Variants in TNRC18 observed in about 807,000 individuals in gnomAD.
TNRC18 encodes the protein trinucleotide repeat-containing gene 18 protein.
TNRC18 carries 69 observed loss-of-function variants against 226.7 expected under a neutral mutation model. That is an observed-to-expected ratio of 0.30 (90% CI 0.25 to 0.37). TNRC18 has a LOEUF of 0.37. Ranked by LOEUF, TNRC18 falls within the 10% of genes least tolerant of loss-of-function variation. The pLI is 1.00. For missense variants in TNRC18, 4,754 were observed against 4,256.6 expected (o/e 1.12, Z -3.25); for synonymous variants, 2,449 against 1,927.6 (o/e 1.27, Z -7.09).
chr7:5,323,283 C>G (rs536190866), intron 21 of TNRC18, among the ~76,000 whole-genome samples: 1 of 152,178 alleles, frequency 6.6e-6, no homozygotes, highest in Non-Finnish European at 1.5e-5. Context: ...ATTGAGTCAT[C>G]AAAGCCCAGC....
intron 16 of TNRC18, among the ~76,000 whole-genome samples, chr7:5,352,920 G>A (rs551100214): frequency 6.6e-6 from 1 of 152,358 alleles, no homozygotes; most frequent in Admixed American, 6.5e-5. Flanking sequence ...TCCAGACGGG[G>A]GGAACGTGAA....
intron 8 of TNRC18, 96 bp downstream of exon 8, chr7:5,376,751 G>T (rs981343548): frequency 1.4e-6 from 2 of 1,464,306 alleles, no homozygotes; most frequent in African/African-American, 2.8e-5. Flanking sequence ...AGATCTGCCG[G>T]CCGCCACCCC....
Position 5,421,133 on chromosome 7 carries a change from C to A in TNRC18, c.114G>T (p.Leu38Phe). The change falls in exon 2 of 30, where the codon TTG becomes TTT. Residue 38 changes from leucine (L) to phenylalanine (F), a missense_variant. Coordinates refer to ENST00000430969, the MANE Select transcript of TNRC18 (RefSeq NM_001080495.3). The part of the protein sequence containing the change: ...HRVGAATAGR[L>F]PASGLPGPLP... ...GCGGGCCGGGCAAGCCCGAGGCGGGCAAGCGTCCGGCAGTGGCCGCGCCCA... is the reference window on the plus strand; with the variant it reads ...GCGGGCCGGGCAAGCCCGAGGCGGGAAAGCGTCCGGCAGTGGCCGCGCCCA... 2.1e-6 allele frequency: 3 copies of A among 1,452,926 alleles called. No individual in the cohort carries two copies. Among genetic ancestry groups the A allele is most frequent in the South Asian group, 1.4e-5 (1 of 70,744 alleles). 90.0% of individuals were successfully genotyped at this position (1,452,926 alleles called of 1,614,324 possible).
chr7:5,366,257 A>G (rs947992917), intron 11 of TNRC18, among the ~76,000 whole-genome samples: 3 of 146,520 alleles, frequency 2.0e-5, no homozygotes, highest in Non-Finnish European at 4.5e-5. Flanking sequence ...GTGGTTGCCA[A>G]TGTCCCCTGG....
At chr7:5,415,404 T>TCTG (rs915463774) in intron 2 of TNRC18, among the ~76,000 whole-genome samples, 7 of 136,920 alleles carry the variant, frequency 5.1e-5, no homozygotes, top group Non-Finnish European at 1.1e-4. Context: ...TGAGATGGAG[T>TCTG]CTGTCTCTGT....
At chr7:5,393,769 T>G (rs58308188) in intron 3 of TNRC18, among the ~76,000 whole-genome samples, 1 of 152,130 alleles carries the variant, frequency 6.6e-6, no homozygotes, top group Non-Finnish European at 1.5e-5. Flanking sequence ...ATCCAGAATC[T>G]GCTCACGACC....
At chr7:5,349,740 G>C (rs1241845730) in intron 17 of TNRC18, among the ~76,000 whole-genome samples, 1 of 152,244 alleles carries the variant, frequency 6.6e-6, no homozygotes, top group Non-Finnish European at 1.5e-5. Context: ...GCGTCATGGG[G>C]AGGGGTCAAG....
At chr7:5,340,618 C>T (rs1282218532) in intron 18 of TNRC18, among the ~76,000 whole-genome samples, 2 of 151,562 alleles carry the variant, frequency 1.3e-5, no homozygotes, top group African/African-American at 4.8e-5. Flanking sequence ...TGGCGGGTGC[C>T]TGTAATCCCA....
Position 5,309,245 on chromosome 7 carries a change from T to C in TNRC18, c.8512A>G (p.Ile2838Val). Residue 2838 changes from isoleucine to valine, a missense_variant, in exon 28 of 30, where the codon ATC (isoleucine) becomes GTC (valine). Coordinates refer to ENST00000430969, the MANE Select transcript of TNRC18 (RefSeq NM_001080495.3). The surrounding 1 kb of genome is among the most constrained non-coding windows in gnomAD (Gnocchi z 5.7). ...TCCCACATGCTCTGGATGCGGCCGA[T>C]GTAGGGCAGGTTGGGGCGGCCGGCA... ...LSAGRPNLPY[I>V]GRIQSMWESW... 2.5e-6 allele frequency: 4 copies of C among 1,613,864 alleles called. No homozygotes were observed. Among genetic ancestry groups the C allele is most frequent in the East Asian group, 4.5e-5 (2 of 44,874 alleles).
At position 5,370,795 on chromosome 7, in the gene TNRC18, CCACAGGCACCT is replaced by C; in HGVS notation, c.3788_3798del (p.Glu1263GlyfsTer31). ...GGCACTGCCTCCACCACGGGCACCG[CCACAGGCACCT>C]CCACCGGCTCCTCCTTGGCCTCCAC... On this transcript the variant is annotated frameshift_variant, in exon 11 of 30. Coordinates refer to ENST00000430969, the MANE Select transcript of TNRC18 (RefSeq NM_001080495.3). LOFTEE classifies it high-confidence loss of function. 1 of 1,606,778 alleles carries C rather than the reference CCACAGGCACCT, an allele frequency of 6.2e-7. No homozygotes were observed. Among genetic ancestry groups the C allele is most frequent in the Non-Finnish European group, 8.5e-7 (1 of 1,177,852 alleles).
At chr7:5,366,402 A>G (rs1040543068) in intron 11 of TNRC18, among the ~76,000 whole-genome samples, 3 of 123,712 alleles carry the variant, frequency 2.4e-5, no homozygotes, top group South Asian at 2.7e-4. Flanking sequence ...ATCTTGGCTC[A>G]TGCAACCTTC....
At chr7:5,374,596 G>A in intron 9 of TNRC18, 112 bp from the exon 10 acceptor site, 2 of 1,141,524 alleles carry the variant, frequency 1.8e-6, no homozygotes, top group Non-Finnish European at 2.4e-6. Flanking sequence ...ACCTCATGCA[G>A]GGCCTGGGGT....
At chr7:5,401,410 C>G (rs953383715) in intron 2 of TNRC18, among the ~76,000 whole-genome samples, 3 of 152,184 alleles carry the variant, frequency 2.0e-5, no homozygotes, top group African/African-American at 7.2e-5. Context: ...ACACTCCCGC[C>G]TGTCTATACC....
Position 5,320,420 on chromosome 7 carries a change from C to G in TNRC18, c.6643G>C (p.Asp2215His). ...AAGCGAGTGGAGGCTGGCCTCACAT[C>G]GATGATCTAGAAGGGCATGGGATGA... ...LEQLLQEAII[D>H]VRPASTRFLP... Residue 2215 changes from aspartate (D) to histidine (H), a missense_variant, in exon 24 of 30, where the codon GAT (aspartate) becomes CAT (histidine). Coordinates refer to ENST00000430969, the MANE Select transcript of TNRC18 (RefSeq NM_001080495.3). The G allele has an allele frequency of 1.3e-6, 2 of 1,561,584 alleles. No individual in the cohort carries two copies. The highest frequency in any genetic ancestry group is 1.7e-6 in the Non-Finnish European group (2 of 1,152,870).
Position 5,412,582 on chromosome 7 carries a change from ATAAAAT to A in TNRC18, c.187+8472_187+8477del, listed in dbSNP as rs563196115. ...CAGAGCGAGACACTGTCTCAAAAAA[ATAAAAT>A]AAAATAAAATAAAAATAAAAAAATA... On this transcript the variant is annotated intron_variant, in intron 2 of 29. Coordinates refer to ENST00000430969, the MANE Select transcript of TNRC18 (RefSeq NM_001080495.3). Among the ~76,000 whole-genome samples the A allele has an allele frequency of 7.7e-3, 1,118 of 144,436 alleles. 19 individuals are homozygous for A. The highest frequency in any genetic ancestry group is 0.031 in the African/African-American group (1,061 of 34,208). 94.8% of individuals were successfully genotyped at this position (144,436 alleles called of 152,430 possible).
chr7:5,408,169 C>A (rs550029755), intron 2 of TNRC18, among the ~76,000 whole-genome samples: 1 of 151,906 alleles, frequency 6.6e-6, no homozygotes, highest in African/African-American at 2.4e-5. Context: ...CGTGGTGGCG[C>A]GCGCCTCTAG....
At position 5,330,529 on chromosome 7, in the gene TNRC18, G is replaced by A. The variant is rs186900811; in HGVS notation, c.6147+2093C>T. Reference sequence around the variant, plus strand: ...GCTGGGATTGCAGGCGTGAGCCACCGCAGCCAGTCTGGTGCCTGTCCATAT... The same window carrying A: ...GCTGGGATTGCAGGCGTGAGCCACCACAGCCAGTCTGGTGCCTGTCCATAT... On this transcript the variant is annotated intron_variant, in intron 19 of 29. Transcript: ENST00000430969. Among the ~76,000 whole-genome samples, 790 of 151,744 alleles carry A rather than the reference G, an allele frequency of 5.2e-3. 7 individuals are homozygous for A. Among genetic ancestry groups the A allele is most frequent in the African/African-American group, 0.018 (739 of 41,392 alleles).
chr7:5,411,075 G>C (rs1365370454), intron 2 of TNRC18, among the ~76,000 whole-genome samples: 1 of 151,668 alleles, frequency 6.6e-6, no homozygotes, highest in African/African-American at 2.4e-5. Context: ...GGGCATGGTG[G>C]CACATGCCTG....
chr7:5,362,751 C>T lies in TNRC18; in HGVS notation c.4294G>A (p.Val1432Met). ...GGGTCCACCACGGGCCCATCCAGCA[C>T]CTCCCTCAGCATGTGGCTGCCAGCT... is the stretch of plus-strand genomic sequence containing the variant. ...LAAGSHMLREVLDGPVVDPLK... is the reference protein window; with the variant it reads ...LAAGSHMLREMLDGPVVDPLK... The change falls in exon 12 of 30, where the codon GTG (valine) becomes ATG (methionine). Residue 1432 changes from valine (V) to methionine (M), a missense_variant. Coordinates refer to ENST00000430969, the MANE Select transcript of TNRC18 (RefSeq NM_001080495.3). 6.4e-7 allele frequency: 1 copy of T among 1,572,420 alleles called. No homozygotes were observed. The highest frequency in any genetic ancestry group is 1.9e-5 in the Admixed American group (1 of 53,542).
Sources: allele counts gnomAD v4.1 joint callset (sites outside exome capture counted in the v4.1 genomes callset), GRCh38; gene constraint gnomAD v4.1.1; non-coding constraint Gnocchi (gnomAD v3.1); transcripts MANE v1.5; gene names NCBI Gene and HGNC (gene_info 2026-07-23, HGNC 2026-07-21).